Variants in OSBPL9 observed in about 807,000 individuals in gnomAD.
The protein encoded by OSBPL9 is oxysterol-binding protein-related protein 9.
Under a neutral mutation model 106.6 loss-of-function variants are expected in OSBPL9, and 40 were observed. The ratio of observed to expected loss-of-function variants is 0.38; its 90% CI spans 0.29 to 0.49. The LOEUF (loss-of-function observed/expected upper bound fraction) is 0.49, where lower values mean the gene tolerates loss of function less well. Ranked by LOEUF, OSBPL9 falls within the 20% of genes least tolerant of loss-of-function variation. The pLI is 0.97. For missense variants in OSBPL9, 609 were observed against 887.2 expected, an observed-to-expected ratio of 0.69 and a Z score of 3.98; for synonymous variants, 269 against 295.4, an observed-to-expected ratio of 0.91 and a Z score of 0.92.
At chr1:51,689,358 A>G (rs1654497060) in intron 3 of OSBPL9, among the ~76,000 whole-genome samples, 1 of 150,764 alleles carries the variant, frequency 6.6e-6, no homozygotes, top group African/African-American at 2.4e-5. Context: ...TCTAACAGGC[A>G]TTTTTTTTTC....
intron 4 of OSBPL9, among the ~76,000 whole-genome samples, chr1:51,735,543 C>T (rs1005452125): frequency 6.6e-6 from 1 of 152,194 alleles, no homozygotes; most frequent in African/African-American, 2.4e-5. Context: ...TGAATTTCTT[C>T]GTGCTTTTCT....
At chr1:51,570,773 G>C in the OSBPL9 span, among the ~76,000 whole-genome samples, 1 of 152,202 alleles carries the variant, frequency 6.6e-6, no homozygotes, top group African/African-American at 2.4e-5. Flanking sequence ...GAAGTACTTT[G>C]TAAACTGTCA....
chr1:51,722,210 T>G (rs1662289614), intron 4 of OSBPL9, among the ~76,000 whole-genome samples: 1 of 120,812 alleles, frequency 8.3e-6, no homozygotes, highest in Non-Finnish European at 1.8e-5. Flanking sequence ...TAGATAGAAG[T>G]AGTTAGACAA....
the OSBPL9 span, among the ~76,000 whole-genome samples, chr1:51,543,123 G>C: frequency 1.3e-5 from 2 of 152,100 alleles, no homozygotes; most frequent in Non-Finnish European, 2.9e-5. Flanking sequence ...GAAAACATAA[G>C]GCCTGGAGAG....
chr1:51,595,571 A>C lies in OSBPL9; in HGVS notation c.-422-2553A>C, dbSNP rs1645295319. ...AGGAAGAAATGGGGGAGGGAGGAGGAGGAGCAGAGAGAAGACCATGGGCAA... is the reference window on the plus strand; with the variant it reads ...AGGAAGAAATGGGGGAGGGAGGAGGCGGAGCAGAGAGAAGACCATGGGCAA... On this transcript the variant is annotated intron_variant, in intron 1 of 25. Transcript: ENST00000371714. Among the ~76,000 whole-genome samples, 5 of 152,180 alleles carry C rather than the reference A, an allele frequency of 3.3e-5. No individual in the cohort carries two copies. In the South Asian group the frequency reaches 1.0e-3, roughly 31 times the overall value.
intron 3 of OSBPL9, among the ~76,000 whole-genome samples, chr1:51,698,130 T>TA (rs1054741560): frequency 1.3e-5 from 2 of 152,070 alleles, no homozygotes; most frequent in Non-Finnish European, 2.9e-5. Flanking sequence ...AAGTAAAGCT[T>TA]AGAGAATTTA....
chr1:51,617,343 A>C lies in OSBPL9; in HGVS notation c.111+122A>C. On this transcript the variant is annotated intron_variant, in intron 1 of 23. Transcript: ENST00000428468. ...TAGTCTGGGGGTGCCGCCGTACGCG[A>C]GGGTTCCCTTGTTGGGGAGGGTTTT... 5.1e-6 allele frequency: 5 copies of C among 984,770 alleles called. No homozygotes were observed. The South Asian group carries it at 8.7e-5, about 17-fold the overall frequency. 61.0% of individuals were successfully genotyped at this position (984,770 alleles called of 1,614,324 possible). A position where few individuals can be genotyped will look rare whatever the true frequency, so the allele number is the denominator to read the frequency against.
chr1:51,768,492 G>C (rs930237576), intron 12 of OSBPL9, among the ~76,000 whole-genome samples: 19 of 152,246 alleles, frequency 1.2e-4, no homozygotes, highest in African/African-American at 4.6e-4. Flanking sequence ...GGGATCACAG[G>C]CATGAGCCAC....
At chr1:51,703,079 G>C (rs1234854515) in intron 3 of OSBPL9, among the ~76,000 whole-genome samples, 1 of 152,204 alleles carries the variant, frequency 6.6e-6, no homozygotes, top group Non-Finnish European at 1.5e-5. Flanking sequence ...GTAGCTTGAT[G>C]CCTCTAGGTT....
rs61733665 is a variant in OSBPL9, at chr1:51,760,705, G to A, written c.598G>A (p.Val200Ile). 190 of 1,613,674 alleles carry A rather than the reference G, an allele frequency of 1.2e-4. No individual in the cohort carries two copies. In the African/African-American group the frequency reaches 1.6e-3, roughly 14 times the overall value. ...ADGMISTINP[V>I]DAIYQPSPLE... is the part of the protein sequence containing the mutation. ...TTTATTTTAGAGTACTATTAATCCC[G>A]TAGATGCAATATATCAACCTAGTCC... Residue 200 changes from valine (V) to isoleucine (I), a missense_variant, in exon 10 of 24, where the codon GTA (valine) becomes ATA (isoleucine). By Grantham distance (29) the Val-to-Ile change is conservative. This residue lies in a region of OSBPL9 where 356 missense variants were observed against 505.8 expected (regional missense o/e 0.70). Transcript: ENST00000428468.
intron 8 of OSBPL9, among the ~76,000 whole-genome samples, chr1:51,755,605 A>G (rs1359921407): frequency 1.3e-5 from 2 of 152,228 alleles, no homozygotes; most frequent in Admixed American, 6.5e-5. Flanking sequence ...CGCGATCACA[A>G]GGGTAGCCAG....
chr1:51,771,984 T>A, intron 12 of OSBPL9, 86 bp from the exon 13 acceptor site: 1 of 917,722 alleles, frequency 1.1e-6, no homozygotes, highest in East Asian at 2.6e-5. Context: ...TATGCATGCA[T>A]GTAACCAGCT....
In OSBPL9 at chr1:51,617,176, T is replaced by C; in HGVS notation, c.66T>C (p.Arg22=). 1.2e-6 allele frequency: 2 copies of C among 1,613,762 alleles called. No homozygotes were observed. Among genetic ancestry groups the C allele is most frequent in the South Asian group, 2.2e-5 (2 of 90,934 alleles). The change falls in exon 1 of 24, where the codon CGT becomes CGC. Residue 22 remains arginine, a synonymous_variant. Coordinates refer to ENST00000428468, the MANE Select transcript of OSBPL9 (RefSeq NM_024586.6). The part of the protein sequence containing the change: ...WTNVMKGWQY[R]WFVLDYNAGL... ...ACGTGATGAAGGGCTGGCAGTACCGTTGGTTCGTGCTGGACTACAATGCAG... is the reference window on the plus strand; with the variant it reads ...ACGTGATGAAGGGCTGGCAGTACCGCTGGTTCGTGCTGGACTACAATGCAG...
chr1:51,676,629 A>C (rs1405855730), intron 3 of OSBPL9, among the ~76,000 whole-genome samples: 1 of 149,742 alleles, frequency 6.7e-6, no homozygotes, highest in East Asian at 1.9e-4. Context: ...ACTGCACTCC[A>C]GCCTGGCCGA....
chr1:51,560,900 C>G, the OSBPL9 span: 1 of 152,188 alleles, frequency 6.6e-6, no homozygotes, highest in Admixed American at 6.6e-5. Flanking sequence ...CCAAGGATCA[C>G]GTAGGACCAG....
At chr1:51,604,209 C>T (rs1392856169) in intron 2 of OSBPL9, among the ~76,000 whole-genome samples, 1 of 152,160 alleles carries the variant, frequency 6.6e-6, no homozygotes. Context: ...GCATCTGCTA[C>T]AGAATGTAAT....
chr1:51,745,401 G>C, intron 4 of OSBPL9, 135 bp from the exon 5 acceptor site: 1 of 1,284,962 alleles, frequency 7.8e-7, no homozygotes, highest in South Asian at 1.5e-5. Flanking sequence ...CTGTTAAATA[G>C]ACCTATTATT....
upstream of OSBPL9, chr1:51,577,104 C>G (rs551828183): frequency 2.6e-5 from 4 of 151,992 alleles, no homozygotes; most frequent in South Asian, 8.3e-4. Context: ...GTGTGTGGCA[C>G]CTCCCCTTCC....
chr1:51,701,694 C>T (rs1373140989), intron 3 of OSBPL9, among the ~76,000 whole-genome samples: 5 of 151,394 alleles, frequency 3.3e-5, no homozygotes, highest in South Asian at 2.1e-4. Flanking sequence ...ATGTGCACAA[C>T]GTGCAGGTTT....
Sources: gnomAD v4.1 joint callset for allele counts (sites outside exome capture counted in the v4.1 genomes callset) on GRCh38, gnomAD v4.1.1 for gene constraint, gnomAD v4.1.1 regional missense constraint, MANE v1.5 for transcripts, NCBI Gene and HGNC (gene_info 2026-07-23, HGNC 2026-07-21) for gene names.